The following ADAMTSL1 variants were observed in gnomAD, a reference collection of about 807,000 sequenced individuals.
The protein encoded by ADAMTSL1 is ADAMTS like 1, also known as ADAMTS-like protein 1.
In ADAMTSL1, 126 loss-of-function variants were observed where a neutral mutation model predicts 201.8. The ratio of observed to expected loss-of-function variants is 0.62; its 90% CI spans 0.54 to 0.72. ADAMTSL1 has a LOEUF of 0.72. Ranked by LOEUF, ADAMTSL1 falls within the 30% of genes least tolerant of loss-of-function variation. The pLI, the probability that ADAMTSL1 is intolerant of heterozygous loss-of-function variation, is 0.00. For synonymous variants in ADAMTSL1, 1,121 were observed against 903.4 expected (o/e 1.24, Z -4.32); for missense variants, 2,679 against 2,277.8 (o/e 1.18, Z -3.59).
At chr9:17,909,708 C>T (rs1324337274) in intron 1 of ADAMTSL1, among the ~76,000 whole-genome samples, 1 of 66,536 alleles carries the variant, frequency 1.5e-5, no homozygotes, top group African/African-American at 3.1e-5. Flanking sequence ...TGGAAATCAT[C>T]ATTCTCAGTA....
chr9:17,974,269 T>G (rs148228136), intron 1 of ADAMTSL1, among the ~76,000 whole-genome samples: 1 of 151,918 alleles, frequency 6.6e-6, no homozygotes, highest in African/African-American at 2.4e-5. Flanking sequence ...GAAAAGGAAA[T>G]AAAGGGTATT....
chr9:18,652,303 C>A (rs570705097), intron 7 of ADAMTSL1, among the ~76,000 whole-genome samples: 1 of 138,524 alleles, frequency 7.2e-6, no homozygotes, highest in Non-Finnish European at 1.5e-5. Flanking sequence ...ATCCAGGAGG[C>A]GGAGGTTACA....
At chr9:18,648,029 T>G (rs1319332848) in intron 7 of ADAMTSL1, among the ~76,000 whole-genome samples, 1 of 149,286 alleles carries the variant, frequency 6.7e-6, no homozygotes, top group East Asian at 1.9e-4. Context: ...TCTAAGTCTC[T>G]TTGTAGGTCA....
intron 13 of ADAMTSL1, among the ~76,000 whole-genome samples, chr9:18,688,909 G>C (rs186566512): frequency 2.6e-5 from 4 of 151,072 alleles, no homozygotes; most frequent in Non-Finnish European, 5.9e-5. Flanking sequence ...ACTAGAAAAG[G>C]GGGGATGGGA....
chr9:18,522,221 C>G (rs1305585115), intron 2 of ADAMTSL1, among the ~76,000 whole-genome samples: 1 of 152,088 alleles, frequency 6.6e-6, no homozygotes, highest in Non-Finnish European at 1.5e-5. Flanking sequence ...ACAGGATCAT[C>G]CCTAACCCAT....
chr9:18,670,002 G>C (rs754269868), intron 9 of ADAMTSL1, among the ~76,000 whole-genome samples: 2 of 152,094 alleles, frequency 1.3e-5, no homozygotes, highest in Non-Finnish European at 2.9e-5. Context: ...CAAAGTGCTT[G>C]TATGTCTTCC....
At chr9:18,339,532 G>A (rs939984890) in intron 2 of ADAMTSL1, among the ~76,000 whole-genome samples, 3 of 152,162 alleles carry the variant, frequency 2.0e-5, no homozygotes, top group African/African-American at 2.4e-5. Context: ...CAGCCATTGT[G>A]GAAAGCAGTT....
rs1368919087 is a variant in ADAMTSL1, at chr9:18,844,356, C to A, written c.4249+14379C>A. ...CGGTGGCTGCAGAACAGTGGATTTT[C>A]ATGAACCGCGAATGCTGCTGTCTGA... On this transcript the variant is annotated intron_variant, in intron 23 of 28. Coordinates refer to ENST00000380548, the MANE Select transcript of ADAMTSL1 (RefSeq NM_001040272.6). 2.0e-5 allele frequency among the ~76,000 whole-genome samples: 3 copies of A among 152,198 alleles called. 1 individual carries two copies. The highest frequency in any genetic ancestry group is 4.1e-4 in the South Asian group (2 of 4,824).
At chr9:18,378,742 A>T (rs368672211) in intron 2 of ADAMTSL1, among the ~76,000 whole-genome samples, 12 of 151,814 alleles carry the variant, frequency 7.9e-5, no homozygotes, top group Admixed American at 7.9e-4. Flanking sequence ...TTTTTCTTTC[A>T]TTCCTTGGCT....
At chr9:18,881,196 C>G (rs541353512) in intron 23 of ADAMTSL1, among the ~76,000 whole-genome samples, 2 of 152,326 alleles carry the variant, frequency 1.3e-5, no homozygotes, top group Non-Finnish European at 2.9e-5. Context: ...TTTGTGTTCA[C>G]TGGTGTAGCT....
chr9:18,518,465 C>T (rs994062126), intron 2 of ADAMTSL1, among the ~76,000 whole-genome samples: 3 of 152,090 alleles, frequency 2.0e-5, no homozygotes, highest in South Asian at 2.1e-4. Context: ...TCCATGTTGC[C>T]GTAAAGGACA....
At chr9:18,548,388 C>G (rs1223294739) in intron 3 of ADAMTSL1, among the ~76,000 whole-genome samples, 2 of 151,996 alleles carry the variant, frequency 1.3e-5, no homozygotes, top group Non-Finnish European at 2.9e-5. Flanking sequence ...GAAGCATATG[C>G]TGAAGCACTG....
At chr9:18,204,255 T>C (rs1829559934) in intron 2 of ADAMTSL1, among the ~76,000 whole-genome samples, 1 of 151,968 alleles carries the variant, frequency 6.6e-6, no homozygotes, top group Non-Finnish European at 1.5e-5. Context: ...ATCATGGGGG[T>C]GGTTTCCCTC....
At chr9:18,745,889 C>T (rs1819112494) in intron 15 of ADAMTSL1, among the ~76,000 whole-genome samples, 1 of 152,290 alleles carries the variant, frequency 6.6e-6, no homozygotes, top group Non-Finnish European at 1.5e-5. Flanking sequence ...ATTTGACTCC[C>T]AGCCATCCTG....
At chr9:18,719,874 C>G (rs1214517875) in intron 14 of ADAMTSL1, among the ~76,000 whole-genome samples, 1 of 152,042 alleles carries the variant, frequency 6.6e-6, no homozygotes, top group African/African-American at 2.4e-5. Context: ...CATGGTGGGT[C>G]AACTGTACTA....
intron 1 of ADAMTSL1, among the ~76,000 whole-genome samples, chr9:17,916,121 A>G (rs746438678): frequency 2.0e-5 from 3 of 152,188 alleles, no homozygotes; most frequent in Admixed American, 6.5e-5. Context: ...ACGTTTTGCC[A>G]TGCTGGCCAG....
Position 18,186,832 on chromosome 9 carries a change from A to AACACAC in ADAMTSL1, c.207+22875_207+22880dup, listed in dbSNP as rs35993162. 1.6e-3 allele frequency among the ~76,000 whole-genome samples: 238 copies of AACACAC among 149,626 alleles called. 1 individual carries two copies. Among genetic ancestry groups the AACACAC allele is most frequent in the African/African-American group, 5.0e-3 (204 of 40,668 alleles). ...CAGCAGTGCCTTCTTATCACTGTAC[A>AACACAC]ACACACACACACACACACACACACA... On this transcript the variant is annotated intron_variant, in intron 2 of 29. Coordinates refer to the ADAMTSL1 transcript ENST00000680146.
At chr9:18,172,278 A>G (rs1055791922) in intron 2 of ADAMTSL1, among the ~76,000 whole-genome samples, 3 of 152,216 alleles carry the variant, frequency 2.0e-5, no homozygotes, top group East Asian at 1.9e-4. Flanking sequence ...AAGTATATAT[A>G]AAAAAAGAAC....
intron 4 of ADAMTSL1, among the ~76,000 whole-genome samples, chr9:18,589,653 GT>G: frequency 6.6e-6 from 1 of 152,246 alleles, no homozygotes; most frequent in East Asian, 1.9e-4. Context: ...CTCATTTCAG[GT>G]TTTAGTGGAA....
Sources: allele counts gnomAD v4.1 joint callset (sites outside exome capture counted in the v4.1 genomes callset), GRCh38; gene constraint gnomAD v4.1.1; transcripts MANE v1.5; gene names NCBI Gene and HGNC (gene_info 2026-07-23, HGNC 2026-07-21).